Variants in SYT7 observed in about 807,000 individuals in gnomAD.
The protein encoded by SYT7 is synaptotagmin-7.
A neutral mutation model predicts 75.1 loss-of-function variants in SYT7; 29 were observed. That is an observed-to-expected ratio of 0.39 (90% CI 0.29 to 0.53). SYT7 has a LOEUF of 0.53. Ranked by LOEUF, SYT7 falls within the 20% of genes least tolerant of loss-of-function variation. The pLI is 0.77. For missense variants in SYT7, 693 were observed against 953.2 expected, an observed-to-expected ratio of 0.73 and a Z score of 3.59; for synonymous variants, 376 against 401.7, an observed-to-expected ratio of 0.94 and a Z score of 0.76.
In SYT7 at chr11:61,523,921, G is replaced by C; in HGVS notation, c.1662C>G (p.Leu554=). 6.2e-7 allele frequency: 1 copy of C among 1,614,020 alleles called. No individual in the cohort carries two copies. The highest frequency in any genetic ancestry group is 8.5e-7 in the Non-Finnish European group (1 of 1,179,944). The change falls in exon 11 of 13, where the codon CTC becomes CTG. Residue 554 remains leucine, a synonymous_variant. Transcript: ENST00000539008. This position sits in a 1 kb window ranked among gnomAD's most constrained non-coding sequence, Gnocchi z 5.0. ...CAGAGGGGTTGTAGCAGAGAGACAA[G>C]AGCAGCTCCCCTCGGCTCCCCTGGG... ...SDGSGSRGEL[L]LSLCYNPSAN...
intron 7 of SYT7, chr11:61,533,729 C>T: frequency 2.1e-6 from 2 of 936,354 alleles, no homozygotes; most frequent in Non-Finnish European, 2.5e-6. Flanking sequence ...AGTGGAGCAG[C>T]CACATGCCAC....
intron 1 of SYT7, among the ~76,000 whole-genome samples, chr11:61,564,352 G>T (rs2063712595): frequency 6.6e-6 from 1 of 152,172 alleles, no homozygotes; most frequent in African/African-American, 2.4e-5. Context: ...GCTCCTGGAG[G>T]CTCTCACAGG....
In SYT7 at chr11:61,527,916, T is replaced by C. The variant is rs1236980442; in HGVS notation, c.1470A>G (p.Glu490=). Residue 490 remains glutamate, a splice_region_variant and synonymous_variant, in exon 9 of 13, where the codon GAA becomes GAG. Transcript: ENST00000539008. ...GGGGGAAGGTGGCACTAGACTCACC[T>C]TCAAAGAGGAAGGTCTCGTTCCAGT... ...NPHWNETFLF[E]GFPYEKVVQR... 2 of 1,613,740 alleles carry C rather than the reference T, an allele frequency of 1.2e-6. No individual in the cohort carries two copies. The highest frequency in any genetic ancestry group is 2.7e-5 in the African/African-American group (2 of 74,888).
intron 1 of SYT7, among the ~76,000 whole-genome samples, chr11:61,559,453 C>G (rs149174461): frequency 0.018 from 2,686 of 152,256 alleles, 34 homozygotes; most frequent in South Asian, 0.036. Context: ...GCTTGTCTAT[C>G]CAGCTGAGGG....
intron 12 of SYT7, among the ~76,000 whole-genome samples, chr11:61,519,274 T>C (rs553349712): frequency 6.6e-6 from 1 of 152,330 alleles, no homozygotes; most frequent in East Asian, 1.9e-4. Context: ...TGCAGAGGGA[T>C]TGAAATCCAG....
rs957274848 is a variant in SYT7 at position 61,518,055 on chromosome 11, A to G, written c.*572T>C. On this transcript the variant is annotated 3_prime_UTR_variant, in exon 13 of 13. Transcript: ENST00000539008. ...CATTTCCAGGCCTCTGTCCCCACGCACACACACAATGGACACAACACGAGT... is the reference window on the plus strand; with the variant it reads ...CATTTCCAGGCCTCTGTCCCCACGCGCACACACAATGGACACAACACGAGT... 1.9e-5 allele frequency: 3 copies of G among 159,104 alleles called. No individual in the cohort carries two copies. Among genetic ancestry groups the G allele is most frequent in the African/African-American group, 7.2e-5 (3 of 41,716 alleles). The allele number at this position is 159,104 out of a possible 1,614,324, so 9.9% of individuals were successfully genotyped here.
intron 5 of SYT7, 112 bp downstream of exon 5, chr11:61,545,919 C>T (rs1439705790): frequency 2.0e-5 from 19 of 966,094 alleles, no homozygotes; most frequent in East Asian, 2.9e-5. Context: ...AGCCAGGGGC[C>T]GAGGACGGCA....
chr11:61,563,104 A>G (rs921106744), intron 1 of SYT7, among the ~76,000 whole-genome samples: 1 of 152,160 alleles, frequency 6.6e-6, no homozygotes. Context: ...CCACAAGCAG[A>G]TGCCCAGCCA....
upstream of SYT7, among the ~76,000 whole-genome samples, chr11:61,582,447 C>G (rs1333779046): frequency 6.6e-6 from 1 of 151,646 alleles, no homozygotes; most frequent in African/African-American, 2.4e-5. Context: ...CAAGTCTCCC[C>G]GACACACACA....
chr11:61,518,510 GC>G lies in SYT7; in HGVS notation c.*116del, dbSNP rs1204102406. ...AGTCCTGGGACCCCTCCCTGGCTGA[GC>G]CCTCAGGGTCCTCCCCTCCCTATGG... is the stretch of plus-strand genomic sequence containing the variant. On this transcript the variant is annotated 3_prime_UTR_variant, in exon 13 of 13. Coordinates refer to ENST00000539008, the MANE Select transcript of SYT7 (RefSeq NM_001365809.2). 5 of 661,728 alleles carry G rather than the reference GC, an allele frequency of 7.6e-6. No homozygotes were observed. In the East Asian group the frequency reaches 1.6e-4, roughly 21 times the overall value. The allele number at this position is 661,728 out of a possible 1,614,324, so 41.0% of individuals were successfully genotyped here.
chr11:61,584,010 C>T (rs959901492), upstream of SYT7, among the ~76,000 whole-genome samples: 1 of 152,170 alleles, frequency 6.6e-6, no homozygotes, highest in Non-Finnish European at 1.5e-5. Flanking sequence ...CCTCAGTTTC[C>T]TTGTCTCTAC....
chr11:61,523,803 T>A lies in SYT7; in HGVS notation c.1756+24A>T. On this transcript the variant is annotated intron_variant, in intron 11 of 12. Coordinates refer to ENST00000539008, the MANE Select transcript of SYT7 (RefSeq NM_001365809.2). This position sits in a 1 kb window ranked among gnomAD's most constrained non-coding sequence, Gnocchi z 5.0. The stretch of plus-strand genomic sequence containing the variant: ...CACCAGCACCTCCCCGGCCCGCCCA[T>A]CCTCTGCTGGAGAAGCCCCGTACCT... 6.2e-7 allele frequency: 1 copy of A among 1,608,374 alleles called. No individual in the cohort carries two copies. The highest frequency in any genetic ancestry group is 1.1e-5 in the South Asian group (1 of 90,946).
intron 8 of SYT7, chr11:61,530,998 G>A (rs546390932): frequency 7.1e-6 from 7 of 985,370 alleles, no homozygotes; most frequent in South Asian, 4.7e-5. Flanking sequence ...GTGTGGCCTC[G>A]CCTCTTCTCA....
chr11:61,561,835 C>T (rs1246862652), intron 1 of SYT7, among the ~76,000 whole-genome samples: 2 of 152,104 alleles, frequency 1.3e-5, no homozygotes, highest in Non-Finnish European at 2.9e-5. Flanking sequence ...CTATGACGAG[C>T]TCGGCGTCTG....
chr11:61,538,346 GGAGAGAGA>G (rs58071370), intron 6 of SYT7, 80 bp from the exon 7 acceptor site: 336 of 203,258 alleles, frequency 1.7e-3, no homozygotes, highest in South Asian at 9.4e-3. Context: ...GGAGAGAGAG[GGAGAGAGA>G]GAGAGAGAGA....
Position 61,580,177 on chromosome 11 carries a change from A to C in SYT7, c.31+613T>G, listed in dbSNP as rs1310913928. ...AAACCTAGGAGAACATTCTCTTGGC[A>C]CCCCCATTCTCATGAGCCCCTGCTC... On this transcript the variant is annotated intron_variant, in intron 1 of 12. Transcript: ENST00000539008. The surrounding 1 kb of genome is among the most constrained non-coding windows in gnomAD (Gnocchi z 6.1). Among the ~76,000 whole-genome samples, 72 of 141,550 alleles carry C rather than the reference A, an allele frequency of 5.1e-4. No individual in the cohort carries two copies. Among genetic ancestry groups the C allele is most frequent in the Non-Finnish European group, 8.6e-4 (56 of 65,354 alleles). The allele number at this position is 141,550 out of a possible 152,430, so 92.9% of individuals were successfully genotyped here. A position where few individuals can be genotyped will look rare whatever the true frequency, so the allele number is the denominator to read the frequency against.
In SYT7 at chr11:61,518,570, G is replaced by C; in HGVS notation, c.*57C>G. Reference sequence around the variant, plus strand: ...TCAGGCCGGGCGTTGTGCATAAAGTGGTGAGGGCATGATGGGGACCTGGGC... The same window carrying C: ...TCAGGCCGGGCGTTGTGCATAAAGTCGTGAGGGCATGATGGGGACCTGGGC... On this transcript the variant is annotated 3_prime_UTR_variant, in exon 13 of 13. Transcript: ENST00000539008. 7.7e-7 allele frequency: 1 copy of C among 1,290,624 alleles called. No individual in the cohort carries two copies. The highest frequency in any genetic ancestry group is 1.1e-6 in the Non-Finnish European group (1 of 938,148). 79.9% of individuals were successfully genotyped at this position (1,290,624 alleles called of 1,614,324 possible).
At chr11:61,550,546 C>T (rs939929371) in intron 3 of SYT7, among the ~76,000 whole-genome samples, 3 of 152,116 alleles carry the variant, frequency 2.0e-5, no homozygotes, top group African/African-American at 7.2e-5. Context: ...AGGCTTGGTC[C>T]AGGCCAGGCT....
rs751985312 is a variant in SYT7 at position 61,518,053 on chromosome 11, G to A, written c.*574C>T. On this transcript the variant is annotated 3_prime_UTR_variant, in exon 13 of 13. Transcript: ENST00000539008. ...CGCATTTCCAGGCCTCTGTCCCCAC[G>A]CACACACACAATGGACACAACACGA... 7.3e-4 allele frequency: 113 copies of A among 155,682 alleles called. 1 individual carries two copies. The highest frequency in any genetic ancestry group is 2.3e-3 in the African/African-American group (91 of 39,546). 9.6% of individuals were successfully genotyped at this position (155,682 alleles called of 1,614,324 possible).
Sources: allele counts gnomAD v4.1 joint callset (sites outside exome capture counted in the v4.1 genomes callset), GRCh38; gene constraint gnomAD v4.1.1; non-coding constraint Gnocchi (gnomAD v3.1); transcripts MANE v1.5; gene names NCBI Gene and HGNC (gene_info 2026-07-23, HGNC 2026-07-21).